Variants in USP12 observed in about 807,000 individuals in gnomAD.
The protein encoded by USP12 is ubiquitin specific peptidase 12, also known as ubiquitin carboxyl-terminal hydrolase 12.
A neutral mutation model predicts 45.5 loss-of-function variants in USP12; 19 were observed. The observed-to-expected ratio is 0.42, with a 90% confidence interval of 0.29 to 0.61. USP12 has a LOEUF of 0.61. Ranked by LOEUF, USP12 falls within the 20% of genes least tolerant of loss-of-function variation. The pLI is 0.22. For missense variants in USP12, 242 were observed against 447.7 expected (o/e 0.54, Z 4.15); for synonymous variants, 149 against 148.8 (o/e 1.00, Z -0.01).
At chr13:27,080,810 A>G (rs1873717784) in intron 6 of USP12, among the ~76,000 whole-genome samples, 1 of 152,210 alleles carries the variant, frequency 6.6e-6, no homozygotes, top group African/African-American at 2.4e-5. Context: ...TGCTTATACT[A>G]TACTGTAGTG....
intron 7 of USP12, among the ~76,000 whole-genome samples, chr13:27,071,818 T>C (rs1345826309): frequency 6.6e-6 from 1 of 152,218 alleles, no homozygotes; most frequent in Non-Finnish European, 1.5e-5. Context: ...AGAAGCATAA[T>C]TCCTTTTCTT....
chr13:27,164,135 C>A (rs1286359550), intron 1 of USP12, among the ~76,000 whole-genome samples: 1 of 151,458 alleles, frequency 6.6e-6, no homozygotes, highest in Non-Finnish European at 1.5e-5. Flanking sequence ...TAGTAGGTCA[C>A]TAAAATAAAA....
chr13:27,100,032 G>A (rs1032593560), intron 3 of USP12, among the ~76,000 whole-genome samples: 12 of 152,292 alleles, frequency 7.9e-5, no homozygotes, highest in Admixed American at 2.6e-4. Context: ...AGAAGTCTAT[G>A]CAACCTCTCT....
intron 4 of USP12, among the ~76,000 whole-genome samples, chr13:27,095,323 A>G (rs1054344758): frequency 1.3e-5 from 2 of 152,204 alleles, no homozygotes; most frequent in Non-Finnish European, 2.9e-5. Context: ...CATAAGACAT[A>G]ATTTCCACAA....
chr13:27,088,825 G>A (rs1406493285), intron 6 of USP12, among the ~76,000 whole-genome samples: 7 of 152,156 alleles, frequency 4.6e-5, no homozygotes, highest in African/African-American at 1.7e-4. Context: ...CTGTGAGCAC[G>A]CTTGGATGTT....
At chr13:27,081,461 C>T (rs1167488358) in intron 6 of USP12, among the ~76,000 whole-genome samples, 2 of 152,324 alleles carry the variant, frequency 1.3e-5, no homozygotes, top group African/African-American at 4.8e-5. Flanking sequence ...TTCTTGTTCT[C>T]TTGCTGTTTC....
chr13:27,080,969 A>C (rs1461206111), intron 6 of USP12, among the ~76,000 whole-genome samples: 1 of 150,444 alleles, frequency 6.6e-6, no homozygotes, highest in African/African-American at 2.5e-5. Context: ...CTGCTGACTG[A>C]TCAGGATGGT....
chr13:27,092,289 T>G (rs1206182917), intron 4 of USP12, among the ~76,000 whole-genome samples: 1 of 152,246 alleles, frequency 6.6e-6, no homozygotes, highest in Non-Finnish European at 1.5e-5. Context: ...TATCATTTTT[T>G]TCCCAACTTC....
chr13:27,151,686 G>A (rs1464691119), intron 1 of USP12, among the ~76,000 whole-genome samples: 2 of 152,160 alleles, frequency 1.3e-5, no homozygotes, highest in Non-Finnish European at 1.5e-5. Flanking sequence ...AGAGGCTGAG[G>A]TGGGAGGATG....
At chr13:27,099,403 C>G (rs1183708872) in intron 3 of USP12, among the ~76,000 whole-genome samples, 3 of 152,098 alleles carry the variant, frequency 2.0e-5, no homozygotes, top group Non-Finnish European at 4.4e-5. Flanking sequence ...CCAGGCTGAT[C>G]TTGAACTCCT....
chr13:27,117,761 G>A (rs1168374806), intron 1 of USP12: 1 of 517,966 alleles, frequency 1.9e-6, no homozygotes, highest in Non-Finnish European at 3.9e-6. Context: ...AAGAAACAAG[G>A]ACCTCGCACA....
In USP12 at chr13:27,090,001, T is replaced by A. The variant is rs567581364; in HGVS notation, c.651-35A>T. The A allele has an allele frequency of 2.5e-6, 4 of 1,595,048 alleles. No homozygotes were observed. The East Asian group carries it at 9.0e-5, about 36-fold the overall frequency. ...ATTCAAAACAAATTTATTTTGTAGA[T>A]ACCAGGAAATCATGTATCTTAAAAA... On this transcript the variant is annotated intron_variant, in intron 5 of 8. Coordinates refer to ENST00000282344, the MANE Select transcript of USP12 (RefSeq NM_182488.4).
chr13:27,088,937 C>T (rs1342613731), intron 6 of USP12, among the ~76,000 whole-genome samples: 6 of 152,124 alleles, frequency 3.9e-5, no homozygotes. Context: ...CTTAACAGGA[C>T]ATGATGAGAA....
intron 1 of USP12, among the ~76,000 whole-genome samples, chr13:27,153,709 C>T (rs1258503342): frequency 3.3e-5 from 5 of 151,982 alleles, no homozygotes; most frequent in African/African-American, 9.7e-5. Flanking sequence ...CCCAAAAAGA[C>T]GTATCTTCCT....
chr13:27,076,029 C>CAAAAAAA lies in USP12; in HGVS notation c.735-648_735-642dup, dbSNP rs11458818. ...TGGGTGACAGAGCAAGGCTCCGTCTCAAAAAAAAAAAAAAAAAAGAGTGGT... is the reference window on the plus strand; with the variant it reads ...TGGGTGACAGAGCAAGGCTCCGTCTCAAAAAAAAAAAAAAAAAAAAAAAAAGAGTGGT... On this transcript the variant is annotated intron_variant, in intron 6 of 8. Coordinates refer to ENST00000282344, the MANE Select transcript of USP12 (RefSeq NM_182488.4). Among the ~76,000 whole-genome samples, 537 of 97,972 alleles carry CAAAAAAA rather than the reference C, an allele frequency of 5.5e-3. 11 individuals are homozygous for CAAAAAAA. The highest frequency in any genetic ancestry group is 0.021 in the African/African-American group (497 of 23,386). The allele number at this position is 97,972 out of a possible 152,430, so 64.3% of individuals were successfully genotyped here. A position where few individuals can be genotyped will look rare whatever the true frequency, so the allele number is the denominator to read the frequency against.
At chr13:27,166,389 T>C (rs1878346587) in intron 1 of USP12, among the ~76,000 whole-genome samples, 1 of 152,144 alleles carries the variant, frequency 6.6e-6, no homozygotes, top group Non-Finnish European at 1.5e-5. Flanking sequence ...AAATATGAGT[T>C]TAAAGGCAGG....
chr13:27,081,628 C>A (rs185349413), intron 6 of USP12, among the ~76,000 whole-genome samples: 2 of 152,308 alleles, frequency 1.3e-5, no homozygotes, highest in Non-Finnish European at 2.9e-5. Flanking sequence ...ATGGTGAATC[C>A]TTTCCAGAGG....
In USP12 at chr13:27,087,314, G is replaced by A. The variant is rs540361271; in HGVS notation, c.734+2569C>T. On this transcript the variant is annotated intron_variant, in intron 6 of 8. Coordinates refer to ENST00000282344, the MANE Select transcript of USP12 (RefSeq NM_182488.4). ...ACGCTCGTGTGCATGCAGGGAGCGGGGGCAGGAAGGCAGAGAGAATAAGCT... is the reference window on the plus strand; with the variant it reads ...ACGCTCGTGTGCATGCAGGGAGCGGAGGCAGGAAGGCAGAGAGAATAAGCT... 2.0e-5 allele frequency among the ~76,000 whole-genome samples: 3 copies of A among 151,982 alleles called. No individual in the cohort carries two copies. The South Asian group carries it at 6.2e-4, about 31-fold the overall frequency.
intron 4 of USP12, among the ~76,000 whole-genome samples, chr13:27,094,543 G>A (rs926915843): frequency 3.3e-5 from 5 of 152,040 alleles, no homozygotes; most frequent in Non-Finnish European, 5.9e-5. Flanking sequence ...CACCTTGACT[G>A]GGTGATCAAA....
Sources: gnomAD v4.1 joint callset for allele counts (sites outside exome capture counted in the v4.1 genomes callset) on GRCh38, gnomAD v4.1.1 for gene constraint, MANE v1.5 for transcripts, NCBI Gene and HGNC (gene_info 2026-07-23, HGNC 2026-07-21) for gene names.